ANKH: variants seen among roughly 807,000 people sequenced by gnomAD.
The protein encoded by ANKH is ANKH inorganic pyrophosphate transport regulator, also known as mineralization regulator ANKH.
A neutral mutation model predicts 49.0 loss-of-function variants in ANKH; 15 were observed. That is an observed-to-expected ratio of 0.31 (90% CI 0.20 to 0.47). ANKH has a LOEUF of 0.47. ANKH is among the 20% of genes least tolerant of loss of function. The probability of loss-of-function intolerance (pLI) is 1.00; values close to 1 mark genes in which losing one functional copy is unlikely to be tolerated. For missense variants in ANKH, 429 were observed against 652.0 expected, an observed-to-expected ratio of 0.66 and a Z score of 3.72; for synonymous variants, 273 against 260.0, an observed-to-expected ratio of 1.05 and a Z score of -0.48.
rs144098049 is a variant in ANKH, at chr5:14,866,791, G to A, written c.96+4561C>T. 2.3e-3 allele frequency among the ~76,000 whole-genome samples: 356 copies of A among 152,234 alleles called. 9 individuals carry two copies. The highest frequency in any genetic ancestry group is 8.2e-3 in the African/African-American group (342 of 41,534). ...TTGACTTAATTATCTGGGTAATTAA[G>A]CTTTTCTTAAAATGAACTTCTTGGT... On this transcript the variant is annotated intron_variant, in intron 1 of 11. Transcript: ENST00000284268.
intron 5 of ANKH, among the ~76,000 whole-genome samples, chr5:14,749,777 T>C (rs1253568022): frequency 6.6e-6 from 1 of 152,278 alleles, no homozygotes; most frequent in East Asian, 1.9e-4. Context: ...GTGTAGAAAC[T>C]GACTACAGAG....
intron 1 of ANKH, among the ~76,000 whole-genome samples, chr5:14,786,375 T>C (rs1167383779): frequency 6.6e-6 from 1 of 152,214 alleles, no homozygotes; most frequent in Non-Finnish European, 1.5e-5. Flanking sequence ...CATTTGTAAA[T>C]CTGATGGCGT....
chr5:14,865,704 T>G (rs1363143639), intron 1 of ANKH, among the ~76,000 whole-genome samples: 1 of 152,224 alleles, frequency 6.6e-6, no homozygotes, highest in Admixed American at 6.5e-5. Flanking sequence ...TTTATTCCTA[T>G]TCCTCCTAAT....
chr5:14,733,321 C>T (rs923741233), intron 8 of ANKH, among the ~76,000 whole-genome samples: 1 of 152,162 alleles, frequency 6.6e-6, no homozygotes, highest in African/African-American at 2.4e-5. Flanking sequence ...TTACTGTGCC[C>T]GAGCAAGTGG....
At chr5:14,802,289 T>C (rs1037355562) in intron 1 of ANKH, among the ~76,000 whole-genome samples, 1 of 152,096 alleles carries the variant, frequency 6.6e-6, no homozygotes, top group Admixed American at 6.5e-5. Context: ...TTATCTCTGA[T>C]GCTTCTCTCT....
At chr5:14,793,622 G>C (rs1010461554) in intron 1 of ANKH, among the ~76,000 whole-genome samples, 1 of 152,200 alleles carries the variant, frequency 6.6e-6, no homozygotes, top group Admixed American at 6.5e-5. Context: ...AGTCTTGCAG[G>C]AATGGTGGCT....
intron 1 of ANKH, among the ~76,000 whole-genome samples, chr5:14,805,104 G>A (rs945460138): frequency 2.0e-5 from 3 of 152,078 alleles, no homozygotes; most frequent in African/African-American, 7.2e-5. Context: ...AGTGGGCTGG[G>A]GAAGGCAGAC....
chr5:14,742,057 G>A (rs1408745777), intron 7 of ANKH, 135 bp from the exon 8 acceptor site: 2 of 724,146 alleles, frequency 2.8e-6, no homozygotes, highest in East Asian at 5.4e-5. Context: ...CAGTTTGCCA[G>A]GCGGCTGTCA....
At chr5:14,797,865 T>G (rs748770674) in intron 1 of ANKH, 2 of 1,611,916 alleles carry the variant, frequency 1.2e-6, no homozygotes, top group Non-Finnish European at 1.7e-6. Flanking sequence ...CCCATAGCCT[T>G]CCTTCTGATG....
rs542255719 is a variant in ANKH at position 14,770,089 on chromosome 5, G to T, written c.97-898C>A. 6.6e-6 allele frequency among the ~76,000 whole-genome samples: 1 copy of T among 152,276 alleles called. No individual in the cohort carries two copies. Among genetic ancestry groups the T allele is most frequent in the Admixed American group, 6.5e-5 (1 of 15,298 alleles). On this transcript the variant is annotated intron_variant, in intron 1 of 11. Coordinates refer to ENST00000284268, the MANE Select transcript of ANKH (RefSeq NM_054027.6). The surrounding 1 kb of genome is among the most constrained non-coding windows in gnomAD (Gnocchi z 4.1). ...CTCTAGAACATTGCATCTGTCATTA[G>T]GAACAGGAAACTAAGCAGAAGAGTC...
chr5:14,819,900 T>TAC (rs57977744), intron 1 of ANKH, among the ~76,000 whole-genome samples: 41,685 of 145,076 alleles, frequency 0.29, 6,116 homozygotes, highest in Middle Eastern at 0.4. Context: ...AACAAAAATA[T>TAC]ACACACACAC....
chr5:14,720,644 T>TC (rs1313634943), intron 8 of ANKH, among the ~76,000 whole-genome samples: 1 of 152,196 alleles, frequency 6.6e-6, no homozygotes, highest in Admixed American at 6.5e-5. Context: ...CTGGGCTGGC[T>TC]CTGTGCCTTA....
intron 1 of ANKH, among the ~76,000 whole-genome samples, chr5:14,861,612 C>T (rs895071632): frequency 6.6e-6 from 1 of 152,180 alleles, no homozygotes; most frequent in Admixed American, 6.5e-5. Flanking sequence ...CACAGCCACA[C>T]ACGTACAGCC....
intron 1 of ANKH, chr5:14,870,069 C>T (rs1417324620): frequency 6.6e-6 from 1 of 152,040 alleles, no homozygotes; most frequent in Non-Finnish European, 1.5e-5. Flanking sequence ...CTTGGGGTAC[C>T]CTTGTGAGGC....
At chr5:14,865,956 A>G (rs1234107346) in intron 1 of ANKH, among the ~76,000 whole-genome samples, 1 of 152,228 alleles carries the variant, frequency 6.6e-6, no homozygotes, top group Non-Finnish European at 1.5e-5. Flanking sequence ...CTCCATTCAC[A>G]GATAAACAGC....
intron 1 of ANKH, among the ~76,000 whole-genome samples, chr5:14,820,308 A>G (rs368503): frequency 0.29 from 44,289 of 152,064 alleles, 6,515 homozygotes; most frequent in Admixed American, 0.36. Context: ...AAATTGTCCT[A>G]AAGTGCTAAT....
At chr5:14,860,747 T>C (rs1260221452) in intron 1 of ANKH, among the ~76,000 whole-genome samples, 1 of 152,116 alleles carries the variant, frequency 6.6e-6, no homozygotes, top group Non-Finnish European at 1.5e-5. Flanking sequence ...TTAAACGTTA[T>C]ATATATTTTT....
At chr5:14,771,943 A>AAAAC (rs1739454081) in intron 1 of ANKH, among the ~76,000 whole-genome samples, 4 of 148,118 alleles carry the variant, frequency 2.7e-5, no homozygotes, top group Admixed American at 1.3e-4. Flanking sequence ...AAAAAAAAAA[A>AAAAC]AAAACCAAAA....
chr5:14,795,839 C>A lies in ANKH; in HGVS notation c.97-26648G>T, dbSNP rs1243436831. ...CACCACTGCACTCCATCCTGGGTGA[C>A]AGAGTGAGACTGTGTCTCAAAAAAA... On this transcript the variant is annotated intron_variant, in intron 1 of 11. Transcript: ENST00000284268. Among the ~76,000 whole-genome samples, 10 of 148,514 alleles carry A rather than the reference C, an allele frequency of 6.7e-5. No individual in the cohort carries two copies. In the East Asian group the frequency reaches 1.8e-3, roughly 26 times the overall value.
Sources: allele counts gnomAD v4.1 joint callset (sites outside exome capture counted in the v4.1 genomes callset), GRCh38; gene constraint gnomAD v4.1.1; non-coding constraint Gnocchi (gnomAD v3.1); transcripts MANE v1.5; gene names NCBI Gene and HGNC (gene_info 2026-07-23, HGNC 2026-07-21).